The following SLC12A8 variants were observed in gnomAD, a reference collection of about 807,000 sequenced individuals.
SLC12A8 encodes the protein solute carrier family 12 member 8.
Under a neutral mutation model 75.6 loss-of-function variants are expected in SLC12A8, and 69 were observed. That is an observed-to-expected ratio of 0.91 (90% confidence interval 0.75 to 1.11). SLC12A8 has a LOEUF of 1.11. Among genes scored for constraint, SLC12A8 ranks in the 50% most tolerant of loss-of-function variants. The pLI, the probability that SLC12A8 is intolerant of heterozygous loss-of-function variation, is 0.00. For missense variants in SLC12A8, 877 were observed against 896.7 expected (o/e 0.98, Z 0.28); for synonymous variants, 365 against 372.8 (o/e 0.98, Z 0.24).
intron 2 of SLC12A8, among the ~76,000 whole-genome samples, chr3:125,198,285 C>A (rs1383583572): frequency 1.4e-5 from 2 of 141,080 alleles, no homozygotes; most frequent in Admixed American, 7.1e-5. Flanking sequence ...CAGTCAAGGT[C>A]ATAAAAGACA....
intron 6 of SLC12A8, among the ~76,000 whole-genome samples, chr3:125,128,630 C>A (rs1264362926): frequency 6.6e-6 from 1 of 152,142 alleles, no homozygotes; most frequent in African/African-American, 2.4e-5. Context: ...CAGGCTTGAG[C>A]CACTGCACCC....
At chr3:125,197,698 T>C (rs975297620) in intron 2 of SLC12A8, among the ~76,000 whole-genome samples, 3 of 152,204 alleles carry the variant, frequency 2.0e-5, no homozygotes, top group African/African-American at 7.2e-5. Context: ...TATATCCCCT[T>C]TTATACTGAT....
At chr3:125,104,336 T>C (rs1938968492) in intron 10 of SLC12A8, among the ~76,000 whole-genome samples, 1 of 152,064 alleles carries the variant, frequency 6.6e-6, no homozygotes, top group Non-Finnish European at 1.5e-5. Context: ...CTTGAACTCC[T>C]GGCCTCAGGT....
chr3:125,162,852 C>T (rs775963175), intron 5 of SLC12A8, among the ~76,000 whole-genome samples: 35 of 152,252 alleles, frequency 2.3e-4, no homozygotes, highest in Non-Finnish European at 4.4e-4. Flanking sequence ...GCCAGAAACC[C>T]CTATCCAGTA....
chr3:125,121,761 A>C (rs1933065763), intron 6 of SLC12A8, among the ~76,000 whole-genome samples: 1 of 152,208 alleles, frequency 6.6e-6, no homozygotes, highest in African/African-American at 2.4e-5. Context: ...TATGCTCTTA[A>C]TGCCTCTGCT....
chr3:125,103,834 A>C (rs1237830607), intron 10 of SLC12A8, among the ~76,000 whole-genome samples: 2 of 152,026 alleles, frequency 1.3e-5, no homozygotes, highest in South Asian at 4.1e-4. Context: ...GGATCTCGCT[A>C]TGATGTCCAG....
chr3:125,105,735 A>T (rs566291674), intron 10 of SLC12A8, among the ~76,000 whole-genome samples: 1 of 152,340 alleles, frequency 6.6e-6, no homozygotes, highest in South Asian at 2.1e-4. Context: ...GTGGCATATA[A>T]GAGTTAAATC....
At position 125,107,664 on chromosome 3, in the gene SLC12A8, C is replaced by T. The variant is rs1939064073; in HGVS notation, c.1522G>A (p.Asp508Asn). Reference protein sequence around the residue: ...KQTLQDSFLLDLKSPPSFPVE... With the variant: ...KQTLQDSFLLNLKSPPSFPVE... Reference sequence around the variant, plus strand: ...GGGAAAGAAGGAGGGGATTTGAGGTCCAAGAGGAAGCTATCTTGTAGGGTC... The same window carrying T: ...GGGAAAGAAGGAGGGGATTTGAGGTTCAAGAGGAAGCTATCTTGTAGGGTC... The change falls in exon 10 of 14, where the codon GAC becomes AAC. Residue 508 changes from aspartate (D) to asparagine (N), a missense_variant. Physicochemically the swap from Asp to Asn is conservative, Grantham distance 23 (BLOSUM62 1). Transcript: ENST00000469902. The T allele has an allele frequency of 2.5e-6, 4 of 1,614,018 alleles. No homozygotes were observed. In the East Asian group the frequency reaches 6.7e-5, roughly 27 times the overall value.
At chr3:125,165,322 C>G (rs1392901649) in intron 5 of SLC12A8, among the ~76,000 whole-genome samples, 3 of 152,230 alleles carry the variant, frequency 2.0e-5, no homozygotes, top group African/African-American at 4.8e-5. Flanking sequence ...GCCTTTCCAG[C>G]CATGAGAGGC....
chr3:125,107,819 AG>A lies in SLC12A8; in HGVS notation c.1366del (p.Leu456TrpfsTer13), dbSNP rs760285843. Reference protein sequence around the residue: ...PAQRVLEGTLLEFTKDMDQLL... With the variant: ...PAQRVLEGTLXEFTKDMDQLL... ...CTGATCCATGTCCTTGGTGAATTCC[AG>A]TAGCGTGCCCTCCAAGACTCTTTGG... On this transcript the variant is annotated frameshift_variant, in exon 10 of 14. Transcript: ENST00000469902. LOFTEE classifies it high-confidence loss of function. The A allele has an allele frequency of 8.1e-5, 131 of 1,613,970 alleles. No homozygotes were observed. Among genetic ancestry groups the A allele is most frequent in the Non-Finnish European group, 1.0e-4 (123 of 1,180,018 alleles).
chr3:125,160,774 G>T (rs1465413609), intron 5 of SLC12A8, among the ~76,000 whole-genome samples: 1 of 152,128 alleles, frequency 6.6e-6, no homozygotes, highest in Non-Finnish European at 1.5e-5. Context: ...CAAGAGAATC[G>T]ATACACAGAT....
At chr3:125,154,589 G>T (rs1179430017) in intron 5 of SLC12A8, among the ~76,000 whole-genome samples, 1 of 151,964 alleles carries the variant, frequency 6.6e-6, no homozygotes, top group Non-Finnish European at 1.5e-5. Flanking sequence ...ATCCATTAGG[G>T]GTACATCCCA....
intron 5 of SLC12A8, chr3:125,151,702 C>A (rs930326549): frequency 1.3e-5 from 2 of 152,218 alleles, no homozygotes; most frequent in African/African-American, 2.4e-5. Context: ...GACTGTCTTA[C>A]GTTTATTTAG....
chr3:125,189,811 G>GC (rs1934872539), intron 3 of SLC12A8, among the ~76,000 whole-genome samples: 1 of 152,164 alleles, frequency 6.6e-6, no homozygotes, highest in African/African-American at 2.4e-5. Context: ...GTCCTAGGAT[G>GC]CTTTGCATAA....
At chr3:125,093,406 G>A (rs1283817131) in intron 10 of SLC12A8, among the ~76,000 whole-genome samples, 3 of 151,908 alleles carry the variant, frequency 2.0e-5, no homozygotes, top group African/African-American at 7.3e-5. Context: ...TCTTCACTAC[G>A]GTCCAAATCC....
At chr3:125,161,844 G>A (rs576586617) in intron 5 of SLC12A8, among the ~76,000 whole-genome samples, 1 of 152,312 alleles carries the variant, frequency 6.6e-6, no homozygotes, top group Admixed American at 6.5e-5. Context: ...CTTTTGTCCA[G>A]TATATAACGC....
At chr3:125,175,385 A>T (rs778795828) in intron 5 of SLC12A8, among the ~76,000 whole-genome samples, 2 of 152,238 alleles carry the variant, frequency 1.3e-5, no homozygotes, top group Non-Finnish European at 2.9e-5. Context: ...GTGATACCAA[A>T]AACAGATTCT....
chr3:125,135,088 T>A (rs188479860), intron 6 of SLC12A8, among the ~76,000 whole-genome samples: 3 of 152,292 alleles, frequency 2.0e-5, no homozygotes, highest in Admixed American at 6.5e-5. Flanking sequence ...TCCTCTACAG[T>A]CACTGCAGAG....
At chr3:125,106,076 T>A (rs560396906) in intron 10 of SLC12A8, among the ~76,000 whole-genome samples, 1 of 152,198 alleles carries the variant, frequency 6.6e-6, no homozygotes, top group East Asian at 1.9e-4. Context: ...CATTATTTAG[T>A]GACAGATTAA....
Sources: gnomAD v4.1 joint callset for allele counts (sites outside exome capture counted in the v4.1 genomes callset) on GRCh38, gnomAD v4.1.1 for gene constraint, MANE v1.5 for transcripts, NCBI Gene and HGNC (gene_info 2026-07-23, HGNC 2026-07-21) for gene names.